PRMT3: variants seen among roughly 807,000 people sequenced by gnomAD.
PRMT3 encodes protein arginine N-methyltransferase 3.
A neutral mutation model predicts 71.9 loss-of-function variants in PRMT3; 62 were observed. The observed-to-expected ratio is 0.86, with a 90% CI of 0.70 to 1.07. The LOEUF is 1.07. Among genes scored for constraint, PRMT3 ranks in the 50% least tolerant of loss-of-function variants. The pLI, the probability that PRMT3 is intolerant of heterozygous loss-of-function variation, is 0.00. For missense variants in PRMT3, 663 were observed against 643.0 expected (o/e 1.03, Z -0.34); for synonymous variants, 213 against 220.4 (o/e 0.97, Z 0.30).
chr11:20,392,095 A>T (rs970627383), intron 3 of PRMT3, 116 bp from the exon 4 acceptor site: 14 of 925,566 alleles, frequency 1.5e-5, no homozygotes, highest in Admixed American at 3.0e-5. Flanking sequence ...AAATATAAGT[A>T]GTAATTTAGA....
intron 13 of PRMT3, among the ~76,000 whole-genome samples, chr11:20,473,525 T>C (rs1850703221): frequency 6.6e-6 from 1 of 152,208 alleles, no homozygotes. Flanking sequence ...TCAATTTCCA[T>C]GTAGTTGTGT....
chr11:20,415,378 C>T (rs1565202397), intron 9 of PRMT3, among the ~76,000 whole-genome samples: 1 of 152,012 alleles, frequency 6.6e-6, no homozygotes, highest in Non-Finnish European at 1.5e-5. Context: ...CCATGACCAC[C>T]CACTAGTTCA....
intron 13 of PRMT3, among the ~76,000 whole-genome samples, chr11:20,478,697 A>T (rs1027789090): frequency 6.6e-6 from 1 of 152,296 alleles, no homozygotes; most frequent in Admixed American, 6.5e-5. Context: ...CAAACCAGTG[A>T]TCTCTTAGTC....
chr11:20,479,836 A>G (rs1220479687), intron 13 of PRMT3, among the ~76,000 whole-genome samples: 2 of 152,210 alleles, frequency 1.3e-5, no homozygotes, highest in Non-Finnish European at 2.9e-5. Flanking sequence ...CTGGATCCAG[A>G]TACACACACA....
intron 13 of PRMT3, among the ~76,000 whole-genome samples, chr11:20,471,949 T>C (rs1850656772): frequency 6.6e-6 from 1 of 151,954 alleles, no homozygotes; most frequent in Non-Finnish European, 1.5e-5. Flanking sequence ...AGGTATTTTT[T>C]TTTGTAGCAA....
intron 10 of PRMT3, among the ~76,000 whole-genome samples, chr11:20,437,405 C>T (rs190350095): frequency 3.9e-5 from 6 of 152,246 alleles, no homozygotes; most frequent in African/African-American, 1.4e-4. Flanking sequence ...TTCTAGACTT[C>T]CTAGTGTTGC....
chr11:20,456,045 G>C (rs968619115), intron 11 of PRMT3, among the ~76,000 whole-genome samples: 10 of 152,030 alleles, frequency 6.6e-5, no homozygotes, highest in African/African-American at 2.4e-4. Flanking sequence ...AAATCTAATT[G>C]CATCTATATA....
chr11:20,480,848 CAAAG>C (rs1228765802), intron 13 of PRMT3, among the ~76,000 whole-genome samples: 3 of 151,992 alleles, frequency 2.0e-5, no homozygotes, highest in African/African-American at 4.8e-5. Context: ...ATGGTCCTGT[CAAAG>C]AAAATTGGAA....
intron 9 of PRMT3, among the ~76,000 whole-genome samples, chr11:20,410,328 G>A (rs1010670956): frequency 6.6e-6 from 1 of 151,962 alleles, no homozygotes; most frequent in East Asian, 1.9e-4. Context: ...TTAATTTTCA[G>A]TCCTTTTTTC....
Position 20,438,404 on chromosome 11 carries a change from A to G in PRMT3, c.993+11539A>G, listed in dbSNP as rs147235156. On this transcript the variant is annotated intron_variant, in intron 10 of 15. Coordinates refer to ENST00000331079, the MANE Select transcript of PRMT3 (RefSeq NM_005788.4). ...CCTAGAATGGTGGAGCTCAGCTGTC[A>G]TTTGGGCCCTAAGGGTGGCAGGTGG... Among the ~76,000 whole-genome samples, 874 of 152,142 alleles carry G rather than the reference A, an allele frequency of 5.7e-3. 5 individuals carry two copies. The highest frequency in any genetic ancestry group is 0.02 in the African/African-American group (815 of 41,510).
intron 10 of PRMT3, among the ~76,000 whole-genome samples, chr11:20,431,487 CTG>C (rs1029879462): frequency 4.6e-5 from 7 of 152,110 alleles, no homozygotes; most frequent in East Asian, 3.8e-4. Flanking sequence ...TTTAAGTACT[CTG>C]TAACTCATGA....
At chr11:20,440,386 C>A (rs545480432) in intron 10 of PRMT3, among the ~76,000 whole-genome samples, 8 of 150,594 alleles carry the variant, frequency 5.3e-5, no homozygotes, top group Non-Finnish European at 1.2e-4. Context: ...TGGCTCACGC[C>A]TGTAATCCCA....
intron 11 of PRMT3, among the ~76,000 whole-genome samples, chr11:20,457,019 G>A (rs1206979308): frequency 2.6e-5 from 4 of 151,938 alleles, no homozygotes; most frequent in Admixed American, 6.6e-5. Context: ...AATTAGAGGC[G>A]CCCTGCCACC....
chr11:20,469,800 T>C (rs966939207), intron 13 of PRMT3, among the ~76,000 whole-genome samples: 2 of 151,748 alleles, frequency 1.3e-5, no homozygotes, highest in African/African-American at 4.9e-5. Context: ...ATATCTTAAT[T>C]TCAGCATTTT....
chr11:20,467,929 T>TA (rs915141511), intron 13 of PRMT3, among the ~76,000 whole-genome samples: 53 of 152,298 alleles, frequency 3.5e-4, no homozygotes, highest in African/African-American at 1.3e-3. Flanking sequence ...ATCAGCTCCT[T>TA]ACCCTCCCTC....
chr11:20,408,133 A>G lies in PRMT3; in HGVS notation c.893+101A>G, dbSNP rs151061124. 1.0e-3 allele frequency: 821 copies of G among 819,290 alleles called. 8 individuals carry two copies. The East Asian group carries it at 0.015, about 15-fold the overall frequency. The allele number at this position is 819,290 out of a possible 1,614,324, so 50.8% of individuals were successfully genotyped here. ...TAGCTATCTAAGGCAGACTAAAGAC[A>G]TTTGTCTTTTAGTAAAAATTCACTC... is the stretch of plus-strand genomic sequence containing the variant. On this transcript the variant is annotated intron_variant, in intron 9 of 15. Transcript: ENST00000331079.
intron 12 of PRMT3, among the ~76,000 whole-genome samples, chr11:20,462,711 G>A (rs1452856321): frequency 6.6e-6 from 1 of 151,956 alleles, no homozygotes; most frequent in African/African-American, 2.4e-5. Flanking sequence ...GTTAATCTCT[G>A]GGTTTATTAT....
intron 15 of PRMT3, among the ~76,000 whole-genome samples, chr11:20,504,743 A>AGAGAGC (rs1565243530): frequency 6.9e-6 from 1 of 145,596 alleles, no homozygotes; most frequent in Admixed American, 6.9e-5. Flanking sequence ...AGAGAGAGAG[A>AGAGAGC]GAGCGAGAGC....
intron 10 of PRMT3, among the ~76,000 whole-genome samples, chr11:20,440,559 T>TA (rs1849870599): frequency 6.7e-6 from 1 of 149,198 alleles, no homozygotes. Flanking sequence ...AATTCTGTCA[T>TA]AAAAAGACAC....
Sources: gnomAD v4.1 joint callset for allele counts (sites outside exome capture counted in the v4.1 genomes callset) on GRCh38, gnomAD v4.1.1 for gene constraint, MANE v1.5 for transcripts, NCBI Gene and HGNC (gene_info 2026-07-23, HGNC 2026-07-21) for gene names.